Variants in CDC42BPA observed in about 807,000 individuals in gnomAD.
CDC42BPA encodes serine/threonine-protein kinase MRCK alpha.
In CDC42BPA, 80 loss-of-function variants were observed where a neutral mutation model predicts 223.5. The observed-to-expected ratio is 0.36, with a 90% confidence interval of 0.30 to 0.43. The LOEUF (loss-of-function observed/expected upper bound fraction) is 0.43, where lower values mean the gene tolerates loss of function less well. Ranked by LOEUF, CDC42BPA falls within the 20% of genes least tolerant of loss-of-function variation. CDC42BPA has a pLI of 1.00. For synonymous variants in CDC42BPA, 694 were observed against 718.6 expected, an observed-to-expected ratio of 0.97 and a Z score of 0.55; for missense variants, 1,743 against 2,099.9, an observed-to-expected ratio of 0.83 and a Z score of 3.32.
At chr1:227,061,315 CATTT>C (rs1381976267) in intron 21 of CDC42BPA, among the ~76,000 whole-genome samples, 8 of 152,092 alleles carry the variant, frequency 5.3e-5, no homozygotes, top group African/African-American at 1.9e-4. Context: ...ATCATAATAA[CATTT>C]ATTATGTGCA....
intron 2 of CDC42BPA, among the ~76,000 whole-genome samples, chr1:227,243,321 G>C (rs1572589482): frequency 6.6e-6 from 1 of 152,202 alleles, no homozygotes; most frequent in Admixed American, 6.5e-5. Context: ...CTGACCTTAA[G>C]AACTGTTTTT....
At chr1:227,068,788 A>G in intron 21 of CDC42BPA, 1 of 345,470 alleles carries the variant, frequency 2.9e-6, no homozygotes, top group Non-Finnish European at 4.9e-6. Flanking sequence ...TTGTAAAACA[A>G]TTGAAAGGCA....
chr1:227,264,986 T>G, intron 1 of CDC42BPA: 1 of 866,774 alleles, frequency 1.2e-6, no homozygotes, highest in African/African-American at 1.6e-5. Flanking sequence ...GCAGTGCTGC[T>G]ACCTTTTTCT....
intron 5 of CDC42BPA, among the ~76,000 whole-genome samples, chr1:227,174,534 C>T (rs1011241848): frequency 6.6e-6 from 1 of 151,602 alleles, no homozygotes. Context: ...TGTGGTATTT[C>T]CCCCCCAACA....
At chr1:227,059,299 G>T in intron 21 of CDC42BPA, 1 of 1,235,570 alleles carries the variant, frequency 8.1e-7, no homozygotes, top group Non-Finnish European at 1.2e-6. Flanking sequence ...AACAGGTTCC[G>T]CAATCACAGG....
chr1:227,083,742 T>C (rs192071103), intron 16 of CDC42BPA, among the ~76,000 whole-genome samples: 3 of 152,266 alleles, frequency 2.0e-5, no homozygotes, highest in African/African-American at 7.2e-5. Flanking sequence ...TAAAGATAGA[T>C]CAAAGATTGA....
chr1:227,307,973 T>C (rs1225628968), intron 1 of CDC42BPA, among the ~76,000 whole-genome samples: 1 of 152,198 alleles, frequency 6.6e-6, no homozygotes, highest in Non-Finnish European at 1.5e-5. Context: ...TACTGAAGAA[T>C]AATTATATAA....
At chr1:227,272,574 T>C (rs2148478851) in intron 1 of CDC42BPA, among the ~76,000 whole-genome samples, 1 of 152,156 alleles carries the variant, frequency 6.6e-6, no homozygotes, top group East Asian at 1.9e-4. Context: ...TAATAGAAAA[T>C]TGGGCAAATG....
intron 11 of CDC42BPA, among the ~76,000 whole-genome samples, chr1:227,128,176 C>G (rs977518052): frequency 3.3e-5 from 5 of 152,176 alleles, no homozygotes; most frequent in Admixed American, 6.5e-5. Flanking sequence ...TACTTGAACA[C>G]CTGGGGCACA....
chr1:227,047,816 T>C, intron 23 of CDC42BPA, 111 bp downstream of exon 23: 3 of 613,676 alleles, frequency 4.9e-6, no homozygotes, highest in Non-Finnish European at 8.6e-6. Context: ...TTTATAAGTT[T>C]TTCTGTTTGT....
At chr1:227,065,405 A>G (rs868813060) in intron 21 of CDC42BPA, among the ~76,000 whole-genome samples, 1 of 152,212 alleles carries the variant, frequency 6.6e-6, no homozygotes, top group African/African-American at 2.4e-5. Context: ...TGTTGAGAAT[A>G]TGCTCTGCTC....
intron 12 of CDC42BPA, among the ~76,000 whole-genome samples, chr1:227,114,977 T>A (rs1687539704): frequency 6.6e-6 from 1 of 152,076 alleles, no homozygotes; most frequent in African/African-American, 2.4e-5. Flanking sequence ...GAGAGTAAAC[T>A]AAAATGTCAA....
chr1:227,108,968 TAA>T (rs1000780409), intron 14 of CDC42BPA, among the ~76,000 whole-genome samples: 17 of 152,092 alleles, frequency 1.1e-4, no homozygotes, highest in Non-Finnish European at 2.4e-4. Context: ...AACACAACAG[TAA>T]ACACTTGTGT....
At chr1:227,187,679 A>ACC (rs1177264278) in intron 5 of CDC42BPA, among the ~76,000 whole-genome samples, 4 of 5,486 alleles carry the variant, frequency 7.3e-4, no homozygotes, top group East Asian at 6.8e-3. Context: ...GGCACCCCCC[A>ACC]CCCCCCCCCC....
At chr1:227,287,257 G>C (rs1332893698) in intron 1 of CDC42BPA, among the ~76,000 whole-genome samples, 1 of 152,136 alleles carries the variant, frequency 6.6e-6, no homozygotes, top group African/African-American at 2.4e-5. Flanking sequence ...TTACATCACA[G>C]ACCTGAGACT....
chr1:227,089,255 G>T (rs1211389084), intron 16 of CDC42BPA, among the ~76,000 whole-genome samples: 4 of 152,192 alleles, frequency 2.6e-5, no homozygotes, highest in Admixed American at 2.6e-4. Flanking sequence ...GGAACAGTTG[G>T]TGTAGCAATG....
intron 5 of CDC42BPA, among the ~76,000 whole-genome samples, chr1:227,169,557 C>T (rs557878221): frequency 1.3e-5 from 2 of 152,142 alleles, no homozygotes; most frequent in South Asian, 2.1e-4. Context: ...ATTTTGGATC[C>T]CCTCTCTAAC....
intron 11 of CDC42BPA, among the ~76,000 whole-genome samples, chr1:227,127,832 TTAAA>T (rs986288744): frequency 6.6e-6 from 1 of 152,230 alleles, no homozygotes; most frequent in African/African-American, 2.4e-5. Context: ...ATATGGCATT[TTAAA>T]TAGTCATTTT....
Position 227,040,119 on chromosome 1 carries a change from T to G in CDC42BPA, c.3199+12A>C, listed in dbSNP as rs1671077290. ...ATAGTGAAGTCACATTTTCTTTCCT[T>G]TGTGTTCTTACCTTCACATGAACAG... is the stretch of plus-strand genomic sequence containing the variant. On this transcript the variant is annotated intron_variant, in intron 24 of 36. Transcript: ENST00000366766. 2 of 1,476,480 alleles carry G rather than the reference T, an allele frequency of 1.4e-6. No individual in the cohort carries two copies. The highest frequency in any genetic ancestry group is 1.7e-5 in the Admixed American group (1 of 59,732). The allele number at this position is 1,476,480 out of a possible 1,614,324, so 91.5% of individuals were successfully genotyped here.
Sources: allele counts gnomAD v4.1 joint callset (sites outside exome capture counted in the v4.1 genomes callset), GRCh38; gene constraint gnomAD v4.1.1; transcripts MANE v1.5; gene names NCBI Gene and HGNC (gene_info 2026-07-23, HGNC 2026-07-21).